The following ADAMTS16 variants were observed in gnomAD, a reference collection of about 807,000 sequenced individuals.
ADAMTS16 encodes ADAM metallopeptidase with thrombospondin type 1 motif 16, also known as A disintegrin and metalloproteinase with thrombospondin motifs 16.
In ADAMTS16, 94 loss-of-function variants were observed where a neutral mutation model predicts 145.8. The observed-to-expected ratio is 0.64, with a 90% CI of 0.55 to 0.77. The LOEUF is 0.77. ADAMTS16 is among the 30% of genes least tolerant of loss of function. ADAMTS16 has a pLI of 0.00. For synonymous variants in ADAMTS16, 659 were observed against 604.3 expected (o/e 1.09, Z -1.33); for missense variants, 1,585 against 1,591.5 (o/e 1.00, Z 0.07).
chr5:5,197,681 C>G (rs183050182), intron 8 of ADAMTS16, among the ~76,000 whole-genome samples: 4 of 152,316 alleles, frequency 2.6e-5, no homozygotes, highest in African/African-American at 9.6e-5. Context: ...CACATAGCAA[C>G]CTTATCTTCA....
intron 2 of ADAMTS16, among the ~76,000 whole-genome samples, chr5:5,145,079 C>T (rs936909433): frequency 3.9e-5 from 6 of 152,134 alleles, no homozygotes; most frequent in South Asian, 4.1e-4. Context: ...TTTGCCTGAA[C>T]GCGGAGATTA....
chr5:5,186,712 T>C (rs1302283201), intron 5 of ADAMTS16, among the ~76,000 whole-genome samples: 3 of 152,210 alleles, frequency 2.0e-5, no homozygotes, highest in Non-Finnish European at 4.4e-5. Flanking sequence ...TGCAACCTTT[T>C]AGAATATCAC....
At chr5:5,193,199 G>T (rs150094888) in intron 8 of ADAMTS16, among the ~76,000 whole-genome samples, 1 of 152,088 alleles carries the variant, frequency 6.6e-6, no homozygotes, top group Non-Finnish European at 1.5e-5. Flanking sequence ...GTATGTTTGC[G>T]TGTGTATACA....
In ADAMTS16 at chr5:5,140,778, AG is replaced by A; in HGVS notation, c.175+14del. Reference sequence around the variant, plus strand: ...GATGGAAAAGGGCGGTAAGTCCGTGAGGTGGGGGCTTCTAATCCTTGCCATT... The same window carrying A: ...GATGGAAAAGGGCGGTAAGTCCGTGAGTGGGGGCTTCTAATCCTTGCCATT... On this transcript the variant is annotated intron_variant, in intron 2 of 22. Coordinates refer to ENST00000274181, the MANE Select transcript of ADAMTS16 (RefSeq NM_139056.4). 6.5e-7 allele frequency: 1 copy of A among 1,545,568 alleles called. No individual in the cohort carries two copies. Among genetic ancestry groups the A allele is most frequent in the South Asian group, 1.2e-5 (1 of 84,212 alleles).
intron 8 of ADAMTS16, among the ~76,000 whole-genome samples, chr5:5,198,960 A>C (rs1278533484): frequency 6.6e-6 from 1 of 152,096 alleles, no homozygotes; most frequent in Non-Finnish European, 1.5e-5. Flanking sequence ...ATCTCACCAC[A>C]TGAGACCCTG....
intron 3 of ADAMTS16, among the ~76,000 whole-genome samples, chr5:5,162,503 CA>C (rs1443685400): frequency 6.6e-6 from 1 of 152,132 alleles, no homozygotes; most frequent in Non-Finnish European, 1.5e-5. Context: ...ATTGTTTGGG[CA>C]ACATTGGGTA....
chr5:5,240,639 C>T (rs1031506376), intron 16 of ADAMTS16, among the ~76,000 whole-genome samples: 1 of 152,264 alleles, frequency 6.6e-6, no homozygotes, highest in Non-Finnish European at 1.5e-5. Context: ...GGTACAGCCA[C>T]CTGGATACCC....
rs1373581603 is a variant in ADAMTS16 at position 5,182,260 on chromosome 5, C to T, written c.718C>T (p.Leu240=). 3 of 1,613,904 alleles carry T rather than the reference C, an allele frequency of 1.9e-6. No homozygotes were observed. The Admixed American group carries it at 5.0e-5, about 27-fold the overall frequency. ...ACCCCTGCACAGCAGCGACCTTCGC[C>T]TGGGACTGCCACAAAAGCAGCATTT... ...HQPLHSSDLR[L]GLPQKQHFCG... The change falls in exon 4 of 23, where the codon CTG becomes TTG. Residue 240 remains leucine (L), a synonymous_variant. Coordinates refer to ENST00000274181, the MANE Select transcript of ADAMTS16 (RefSeq NM_139056.4).
chr5:5,209,312 G>C (rs923533680), intron 10 of ADAMTS16, 66 bp downstream of exon 10: 6 of 1,567,752 alleles, frequency 3.8e-6, no homozygotes, highest in Admixed American at 3.4e-5. Context: ...TAGTGTAACT[G>C]ATGTTGATAT....
In ADAMTS16 at chr5:5,239,785, T is replaced by G; in HGVS notation, c.2383T>G (p.Tyr795Asp). Residue 795 changes from tyrosine (Y) to aspartate (D), a missense_variant, in exon 16 of 23, where the codon TAC becomes GAC. Tyr to Asp is a radical substitution (Grantham distance 160, BLOSUM62 -3). Around this residue, in one of 3 missense-constraint regions of ADAMTS16, gnomAD observed 834 missense variants for 811.7 expected, o/e 1.03. Transcript: ENST00000274181. Reference protein sequence around the residue: ...YISVRNALRRYYLNGHWTVDW... With the variant: ...YISVRNALRRDYLNGHWTVDW... ...TTCTGTGCGCAATGCCCTCAGAAGG[T>G]ACTACCTGAATGGGCACTGGACCGT... The G allele has an allele frequency of 6.2e-7, 1 of 1,614,142 alleles. No individual in the cohort carries two copies. The highest frequency in any genetic ancestry group is 8.5e-7 in the Non-Finnish European group (1 of 1,180,040).
intron 14 of ADAMTS16, 119 bp from the exon 15 acceptor site, chr5:5,239,032 C>A: frequency 3.5e-6 from 4 of 1,133,786 alleles, no homozygotes; most frequent in Middle Eastern, 4.3e-4. Context: ...TGTTAACTAC[C>A]CTATGTTGGT....
intron 3 of ADAMTS16, among the ~76,000 whole-genome samples, chr5:5,151,758 A>G (rs1046401183): frequency 1.3e-4 from 19 of 149,886 alleles, no homozygotes; most frequent in African/African-American, 4.4e-4. Context: ...CCTAAAATCT[A>G]CTCTTTAATC....
At chr5:5,267,535 A>G (rs1325032770) in intron 18 of ADAMTS16, among the ~76,000 whole-genome samples, 3 of 152,110 alleles carry the variant, frequency 2.0e-5, no homozygotes, top group Non-Finnish European at 4.4e-5. Flanking sequence ...ACCGTCCCAG[A>G]CAAACTCTGG....
intron 11 of ADAMTS16, among the ~76,000 whole-genome samples, chr5:5,228,679 G>A (rs1736835785): frequency 6.6e-6 from 1 of 152,166 alleles, no homozygotes; most frequent in Non-Finnish European, 1.5e-5. Flanking sequence ...AGTGTAAACA[G>A]TGTAGTAGAG....
Position 5,239,808 on chromosome 5 carries a change from C to A in ADAMTS16, c.2406C>A (p.Thr802=). ...LRRYYLNGHW[T]VDWPGRYKFS... is the part of the protein sequence containing the mutation. Reference sequence around the variant, plus strand: ...GGTACTACCTGAATGGGCACTGGACCGTGGACTGGCCCGGCCGGTACAAAT... The same window carrying A: ...GGTACTACCTGAATGGGCACTGGACAGTGGACTGGCCCGGCCGGTACAAAT... The change falls in exon 16 of 23, where the codon ACC becomes ACA. Residue 802 remains threonine, a synonymous_variant. Coordinates refer to ENST00000274181, the MANE Select transcript of ADAMTS16 (RefSeq NM_139056.4). The A allele has an allele frequency of 1.9e-6, 3 of 1,613,936 alleles. No individual in the cohort carries two copies. Among genetic ancestry groups the A allele is most frequent in the Non-Finnish European group, 2.5e-6 (3 of 1,179,988 alleles).
intron 10 of ADAMTS16, among the ~76,000 whole-genome samples, chr5:5,215,430 T>G (rs1018030447): frequency 2.6e-5 from 4 of 152,098 alleles, no homozygotes; most frequent in African/African-American, 9.7e-5. Flanking sequence ...GAGATTTTGG[T>G]GTACCCATCA....
At chr5:5,292,345 A>C (rs1479536659) in intron 18 of ADAMTS16, among the ~76,000 whole-genome samples, 1 of 151,916 alleles carries the variant, frequency 6.6e-6, no homozygotes, top group Non-Finnish European at 1.5e-5. Flanking sequence ...AAAATACAAA[A>C]AATTAGCCGG....
At position 5,292,498 on chromosome 5, in the gene ADAMTS16, AAATAATAAT is replaced by A. The variant is rs55690811; in HGVS notation, c.2790-10748_2790-10740del. 1.2e-4 allele frequency among the ~76,000 whole-genome samples: 17 copies of A among 146,746 alleles called. No homozygotes were observed. In the South Asian group the frequency reaches 1.7e-3, roughly 15 times the overall value. On this transcript the variant is annotated intron_variant, in intron 18 of 22. Transcript: ENST00000274181. Reference sequence around the variant, plus strand: ...GTGTGACAGAGTGGGACTCCAGCTCAAATAATAATAATAATAATAATAATAATAATTTTA... The same window carrying A: ...GTGTGACAGAGTGGGACTCCAGCTCAAATAATAATAATAATAATAATTTTA...
At chr5:5,163,338 C>A (rs1038679516) in intron 3 of ADAMTS16, among the ~76,000 whole-genome samples, 4 of 152,202 alleles carry the variant, frequency 2.6e-5, no homozygotes, top group African/African-American at 9.7e-5. Context: ...TGTGTCCCCA[C>A]CCAAGTCTCA....
Sources: gnomAD v4.1 joint callset for allele counts (sites outside exome capture counted in the v4.1 genomes callset) on GRCh38, gnomAD v4.1.1 for gene constraint, gnomAD v4.1.1 regional missense constraint, MANE v1.5 for transcripts, NCBI Gene and HGNC (gene_info 2026-07-23, HGNC 2026-07-21) for gene names.